Variants in DRG2 observed in about 807,000 individuals in gnomAD.
The protein encoded by DRG2 is developmentally regulated GTP binding protein 2, also known as developmentally-regulated GTP-binding protein 2.
A neutral mutation model predicts 53.4 loss-of-function variants in DRG2; 36 were observed. The observed-to-expected ratio is 0.67, with a 90% CI of 0.52 to 0.89. The LOEUF (loss-of-function observed/expected upper bound fraction) is 0.89. Ranked by LOEUF, DRG2 falls within the 40% of genes least tolerant of loss-of-function variation. DRG2 has a pLI of 0.00. For synonymous variants in DRG2, 167 were observed against 192.1 expected, an observed-to-expected ratio of 0.87 and a Z score of 1.08; for missense variants, 342 against 481.2, an observed-to-expected ratio of 0.71 and a Z score of 2.71.
rs375785351 is a variant in DRG2 at position 18,098,241 on chromosome 17, C to T, written c.226-29C>T. On this transcript the variant is annotated intron_variant, in intron 2 of 12. Transcript: ENST00000225729. This position sits in a 1 kb window ranked among gnomAD's most constrained non-coding sequence, Gnocchi z 4.1. ...TCCCAGAAGGCCAGGGACAAGGCTC[C>T]TCAGTGCAATGATCTCCTTTTCTCC... 4 of 1,600,204 alleles carry T rather than the reference C, an allele frequency of 2.5e-6. No homozygotes were observed. The highest frequency in any genetic ancestry group is 2.7e-5 in the African/African-American group (2 of 74,644).
intron 12 of DRG2, 87 bp downstream of exon 12, chr17:18,106,573 C>T (rs1033952425): frequency 4.9e-6 from 7 of 1,442,926 alleles, no homozygotes; most frequent in Middle Eastern, 1.7e-4. Flanking sequence ...ACACTCTCTG[C>T]GTGGTGTTCC....
chr17:18,101,798 G>T, intron 8 of DRG2, 123 bp from the exon 9 acceptor site: 1 of 1,233,078 alleles, frequency 8.1e-7, no homozygotes, highest in South Asian at 1.4e-5. Context: ...AGGCAGCAAG[G>T]GGAGGAAGGG....
rs376536885 is a variant in DRG2 at position 18,099,673 on chromosome 17, G to A, written c.417G>A (p.Thr139=). 1,251 of 1,608,004 alleles carry A rather than the reference G, an allele frequency of 7.8e-4. 28 individuals carry two copies. The South Asian group carries it at 0.013, about 17-fold the overall frequency. The change falls in exon 5 of 13, where the codon ACG becomes ACA. Residue 139 remains threonine (T), a synonymous_variant. Coordinates refer to ENST00000225729, the MANE Select transcript of DRG2 (RefSeq NM_001388.5). The surrounding 1 kb of genome is among the most constrained non-coding windows in gnomAD (Gnocchi z 4.4). ...GGCAGGTGATCGCTGTGGCGCGCAC[G>A]GCTGACGTCATCATCATGATGCTGG... ...RGRQVIAVAR[T]ADVIIMMLDA... is the part of the protein sequence containing the mutation.
At chr17:18,106,853 C>G (rs1005429365) in intron 12 of DRG2, among the ~76,000 whole-genome samples, 11 of 152,062 alleles carry the variant, frequency 7.2e-5, no homozygotes, top group African/African-American at 2.4e-4. Context: ...CCATGCCTGG[C>G]TAATTTTTCA....
Position 18,087,969 on chromosome 17 carries a change from C to T in DRG2, c.-55C>T. 1.3e-6 allele frequency: 2 copies of T among 1,536,168 alleles called. No individual in the cohort carries two copies. Among genetic ancestry groups the T allele is most frequent in the Non-Finnish European group, 1.8e-6 (2 of 1,140,104 alleles). On this transcript the variant is annotated 5_prime_UTR_variant, in exon 1 of 13. Coordinates refer to ENST00000225729, the MANE Select transcript of DRG2 (RefSeq NM_001388.5). ...CGCTACTCTGTCGCCGCCGTCAGAC[C>T]GGAATTGCCGGTGCCGCCGCCACCG... is the stretch of plus-strand genomic sequence containing the variant.
chr17:18,091,559 C>T (rs959645316), intron 1 of DRG2, among the ~76,000 whole-genome samples: 3 of 151,350 alleles, frequency 2.0e-5, no homozygotes, highest in Non-Finnish European at 4.4e-5. Context: ...GCACTCCAAC[C>T]GGGGTGACAC....
chr17:18,098,266 C>G lies in DRG2; in HGVS notation c.226-4C>G, dbSNP rs370034819. ...CTCAGTGCAATGATCTCCTTTTCTC[C>G]TAGTCCACATTCTTGAGTCTGATGA... On this transcript the variant is annotated splice_polypyrimidine_tract_variant and splice_region_variant and intron_variant, in intron 2 of 12. Transcript: ENST00000225729. The surrounding 1 kb of genome is among the most constrained non-coding windows in gnomAD (Gnocchi z 4.1). 34 of 1,613,386 alleles carry G rather than the reference C, an allele frequency of 2.1e-5. No individual in the cohort carries two copies. Among genetic ancestry groups the G allele is most frequent in the Non-Finnish European group, 2.8e-5 (33 of 1,179,510 alleles).
At position 18,099,359 on chromosome 17, in the gene DRG2, A is replaced by G; in HGVS notation, c.377-274A>G. 1.1e-5 allele frequency: 7 copies of G among 610,722 alleles called. No homozygotes were observed. In the South Asian group the frequency reaches 1.4e-4, roughly 12 times the overall value. 37.8% of individuals were successfully genotyped at this position (610,722 alleles called of 1,614,324 possible). A position where few individuals can be genotyped will look rare whatever the true frequency, so the allele number is the denominator to read the frequency against. The stretch of plus-strand genomic sequence containing the variant: ...TTGAGGATTAAGTGAGGAAATGTTC[A>G]GGAAGCATTTAGCCTGGGCCCTGCC... On this transcript the variant is annotated intron_variant, in intron 4 of 12. Coordinates refer to ENST00000225729, the MANE Select transcript of DRG2 (RefSeq NM_001388.5). This position sits in a 1 kb window ranked among gnomAD's most constrained non-coding sequence, Gnocchi z 4.4.
rs200673460 is a variant in DRG2, at chr17:18,100,367, C to T, written c.472C>T (p.Leu158=). 125 of 1,614,064 alleles carry T rather than the reference C, an allele frequency of 7.7e-5. No homozygotes were observed. Among genetic ancestry groups the T allele is most frequent in the Middle Eastern group, 1.6e-4 (1 of 6,084 alleles). Residue 158 remains leucine, a synonymous_variant, in exon 6 of 13, where the codon CTG becomes TTG. Coordinates refer to ENST00000225729, the MANE Select transcript of DRG2 (RefSeq NM_001388.5). The surrounding 1 kb of genome is among the most constrained non-coding windows in gnomAD (Gnocchi z 4.1). Reference sequence around the variant, plus strand: ...CTTAAGGGGTACTCTTCCTAGGTCTCTGCTGGAGAAGGAGCTGGAGTCTGT... The same window carrying T: ...CTTAAGGGGTACTCTTCCTAGGTCTTTGCTGGAGAAGGAGCTGGAGTCTGT... ...DATKGEVQRS[L]LEKELESVGI...
At chr17:18,104,732 T>C (rs746297416) in intron 11 of DRG2, 51 bp downstream of exon 11, 55 of 1,612,998 alleles carry the variant, frequency 3.4e-5, no homozygotes, top group Non-Finnish European at 4.3e-5. Context: ...TGCATGCCCT[T>C]TGGGGCTCTG....
chr17:18,094,974 C>CAAAA lies in DRG2; in HGVS notation c.225+1027_225+1030dup, dbSNP rs1165321853. Among the ~76,000 whole-genome samples, 112 of 25,274 alleles carry CAAAA rather than the reference C, an allele frequency of 4.4e-3. 5 individuals are homozygous for CAAAA. The highest frequency in any genetic ancestry group is 6.5e-3 in the African/African-American group (59 of 9,022). 16.6% of individuals were successfully genotyped at this position (25,274 alleles called of 152,430 possible). On this transcript the variant is annotated intron_variant, in intron 2 of 12. Coordinates refer to ENST00000225729, the MANE Select transcript of DRG2 (RefSeq NM_001388.5). Reference sequence around the variant, plus strand: ...GGGCAACAAGAGCAAAACTCCATCTCAAAAAAAAAAAAAAAAAAAAAAAAA... The same window carrying CAAAA: ...GGGCAACAAGAGCAAAACTCCATCTCAAAAAAAAAAAAAAAAAAAAAAAAAAAAA...
intron 1 of DRG2, among the ~76,000 whole-genome samples, chr17:18,088,803 A>C (rs1345463827): frequency 6.6e-6 from 1 of 152,232 alleles, no homozygotes; most frequent in African/African-American, 2.4e-5. Context: ...AGGAGCTCAC[A>C]GAAGAGAGGT....
In DRG2 at chr17:18,103,846, G is replaced by A. The variant is rs748903381; in HGVS notation, c.852G>A (p.Trp284Ter). The A allele has an allele frequency of 6.2e-7, 1 of 1,612,134 alleles. No homozygotes were observed. The highest frequency in any genetic ancestry group is 1.1e-5 in the South Asian group (1 of 90,946). ...TGGACTATCTGCTGGAGATGCTTTG[G>A]GAGTACTTGGCCCTGACCTGCATCT... is the stretch of plus-strand genomic sequence containing the variant. ...LNLDYLLEML[W>*]EYLALTCIYT... The change falls in exon 10 of 13, where the codon TGG becomes TGA. Residue 284 changes from tryptophan to a stop codon, truncating the protein, a stop_gained. Transcript: ENST00000225729. LOFTEE classifies it high-confidence loss of function. The surrounding 1 kb of genome is among the most constrained non-coding windows in gnomAD (Gnocchi z 4.4).
At chr17:18,093,203 C>G (rs1463144902) in intron 1 of DRG2, among the ~76,000 whole-genome samples, 2 of 152,158 alleles carry the variant, frequency 1.3e-5, no homozygotes, top group Non-Finnish European at 2.9e-5. Flanking sequence ...ACTTCACCAT[C>G]AAAGTGAACA....
intron 12 of DRG2, among the ~76,000 whole-genome samples, chr17:18,106,817 G>T (rs2045647018): frequency 6.6e-6 from 1 of 150,568 alleles, no homozygotes; most frequent in Non-Finnish European, 1.5e-5. Context: ...AGCATCACAA[G>T]TAGCTGGGAC....
chr17:18,091,445 GC>G (rs1274460498), intron 1 of DRG2, among the ~76,000 whole-genome samples: 4 of 152,188 alleles, frequency 2.6e-5, no homozygotes, highest in African/African-American at 9.7e-5. Context: ...AATTAGCCAG[GC>G]ATGGTGGCAC....
Position 18,088,066 on chromosome 17 carries a change from G to T in DRG2, c.43G>T (p.Ala15Ser), listed in dbSNP as rs1324793560. The T allele has an allele frequency of 6.5e-7, 1 of 1,548,390 alleles. No individual in the cohort carries two copies. The highest frequency in any genetic ancestry group is 1.4e-5 in the African/African-American group (1 of 73,008). The change falls in exon 1 of 13, where the codon GCT (alanine) becomes TCT (serine). Residue 15 changes from alanine (A) to serine (S), a missense_variant. By Grantham distance (99) the Ala-to-Ser change is moderately conservative. Coordinates refer to ENST00000225729, the MANE Select transcript of DRG2 (RefSeq NM_001388.5). ...GATCTCGGAGATCGAGAAGGAGATCGCTCGGACACAGAAGAACAAGGGTGA... is the reference window on the plus strand; with the variant it reads ...GATCTCGGAGATCGAGAAGGAGATCTCTCGGACACAGAAGAACAAGGGTGA... Reference protein sequence around the residue: ...EKISEIEKEIARTQKNKATEY... With the variant: ...EKISEIEKEISRTQKNKATEY...
At position 18,101,551 on chromosome 17, in the gene DRG2, T is replaced by A. The variant is rs1346129259; in HGVS notation, c.690T>A (p.Asp230Glu). Residue 230 changes from aspartate to glutamate, a missense_variant, in exon 8 of 13, where the codon GAT becomes GAA. Transcript: ENST00000225729. The stretch of plus-strand genomic sequence containing the variant: ...ACTGCTCCCCGGACGAGTTCATCGA[T>A]GTGATCGTGGGCAACCGGGTGTACA... ...REDCSPDEFI[D>E]VIVGNRVYMP... The A allele has an allele frequency of 1.2e-6, 2 of 1,614,044 alleles. No homozygotes were observed. Among genetic ancestry groups the A allele is most frequent in the African/African-American group, 1.3e-5 (1 of 74,920 alleles).
rs2045480384 is a variant in DRG2, at chr17:18,099,007, T to C, written c.316-10T>C. Reference sequence around the variant, plus strand: ...GCCTTGCCTTACCTTTCTTCTCTTCTGCATCCTAGTACAAAGGTGCCAACA... The same window carrying C: ...GCCTTGCCTTACCTTTCTTCTCTTCCGCATCCTAGTACAAAGGTGCCAACA... On this transcript the variant is annotated splice_polypyrimidine_tract_variant and intron_variant, in intron 3 of 12. Coordinates refer to ENST00000225729, the MANE Select transcript of DRG2 (RefSeq NM_001388.5). The surrounding 1 kb of genome is among the most constrained non-coding windows in gnomAD (Gnocchi z 4.4). The C allele has an allele frequency of 6.2e-7, 1 of 1,614,040 alleles. No individual in the cohort carries two copies. Among genetic ancestry groups the C allele is most frequent in the South Asian group, 1.1e-5 (1 of 91,074 alleles).
Sources: allele counts gnomAD v4.1 joint callset (sites outside exome capture counted in the v4.1 genomes callset), GRCh38; gene constraint gnomAD v4.1.1; non-coding constraint Gnocchi (gnomAD v3.1); transcripts MANE v1.5; gene names NCBI Gene and HGNC (gene_info 2026-07-23, HGNC 2026-07-21).